NR1H4: variants seen among roughly 807,000 people sequenced by gnomAD.
NR1H4 encodes the protein nuclear receptor subfamily 1 group H member 4.
NR1H4 carries 23 observed loss-of-function variants against 58.5 expected under a neutral mutation model. That is an observed-to-expected ratio of 0.39 (90% confidence interval 0.28 to 0.56). The LOEUF is 0.56. Among genes scored for constraint, NR1H4 ranks in the 20% least tolerant of loss-of-function variants. The probability of loss-of-function intolerance (pLI) is 0.58; values close to 1 mark genes in which losing one functional copy is unlikely to be tolerated. For synonymous variants in NR1H4, 214 were observed against 198.0 expected (o/e 1.08, Z -0.68); for missense variants, 487 against 576.9 (o/e 0.84, Z 1.60).
At chr12:100,490,541 G>A (rs1434259726) in intron 1 of NR1H4, among the ~76,000 whole-genome samples, 1 of 152,090 alleles carries the variant, frequency 6.6e-6, no homozygotes, top group African/African-American at 2.4e-5. Flanking sequence ...GGAAATTGTG[G>A]AATTTCCTAT....
intron 10 of NR1H4, among the ~76,000 whole-genome samples, chr12:100,562,625 CAT>C (rs768186001): frequency 7.2e-5 from 11 of 152,104 alleles, no homozygotes; most frequent in South Asian, 2.1e-4. Flanking sequence ...ATCTTTACCA[CAT>C]GTTTGTATAT....
intron 1 of NR1H4, among the ~76,000 whole-genome samples, chr12:100,476,013 C>T (rs1010862174): frequency 3.9e-5 from 6 of 152,138 alleles, no homozygotes; most frequent in South Asian, 2.1e-4. Flanking sequence ...GGATTACAGG[C>T]GTGAGCCACT....
intron 6 of NR1H4, among the ~76,000 whole-genome samples, chr12:100,535,254 A>G (rs568270619): frequency 3.2e-4 from 49 of 152,252 alleles, no homozygotes; most frequent in Non-Finnish European, 6.5e-4. Flanking sequence ...TTCCAGTCCT[A>G]CTACCTAGTG....
chr12:100,508,429 T>C (rs1954022860), intron 3 of NR1H4, among the ~76,000 whole-genome samples: 1 of 152,090 alleles, frequency 6.6e-6, no homozygotes, highest in Non-Finnish European at 1.5e-5. Context: ...AGTAGGAGGA[T>C]GCAGAGAGGG....
At chr12:100,504,832 T>C (rs1191496641) in intron 3 of NR1H4, among the ~76,000 whole-genome samples, 1 of 152,172 alleles carries the variant, frequency 6.6e-6, no homozygotes, top group African/African-American at 2.4e-5. Context: ...AAGTTCAGCG[T>C]GGAAGATAAG....
At chr12:100,514,159 G>A (rs1954204577) in intron 4 of NR1H4, among the ~76,000 whole-genome samples, 1 of 152,142 alleles carries the variant, frequency 6.6e-6, no homozygotes, top group South Asian at 2.1e-4. Context: ...TTTGCCTTAG[G>A]TGGTAACGAA....
chr12:100,509,772 A>C (rs1305905301), intron 3 of NR1H4, among the ~76,000 whole-genome samples: 1 of 152,238 alleles, frequency 6.6e-6, no homozygotes, highest in Non-Finnish European at 1.5e-5. Flanking sequence ...ACATATACAC[A>C]TGGCAAAAAC....
intron 4 of NR1H4, among the ~76,000 whole-genome samples, chr12:100,521,902 G>A (rs771388295): frequency 4.6e-5 from 7 of 152,112 alleles, no homozygotes; most frequent in Non-Finnish European, 7.4e-5. Context: ...GATGCAAGAT[G>A]GGGTTCCAAA....
At chr12:100,512,417 G>A (rs1461647686) in intron 4 of NR1H4, among the ~76,000 whole-genome samples, 1 of 152,118 alleles carries the variant, frequency 6.6e-6, no homozygotes, top group Non-Finnish European at 1.5e-5. Flanking sequence ...CAAGACGGGT[G>A]GATCATGAGG....
rs1214541301 is a variant in NR1H4, at chr12:100,487,597, T to TC, written c.-189-4906_-189-4905insC. 5.1e-3 allele frequency among the ~76,000 whole-genome samples: 659 copies of TC among 128,342 alleles called. 1 individual carries two copies. The highest frequency in any genetic ancestry group is 8.6e-3 in the Non-Finnish European group (521 of 60,836). 84.2% of individuals were successfully genotyped at this position (128,342 alleles called of 152,430 possible). A position where few individuals can be genotyped will look rare whatever the true frequency, so the allele number is the denominator to read the frequency against. On this transcript the variant is annotated intron_variant, in intron 1 of 10. Coordinates refer to ENST00000392986, the MANE Select transcript of NR1H4 (RefSeq NM_001206979.2). ...CTGCTCTGATTCTTCTTCTTCTTCT[T>TC]TTTTTTTTTTTTTTTTTGAGACGAG...
intron 3 of NR1H4, among the ~76,000 whole-genome samples, chr12:100,509,077 A>G (rs769138488): frequency 2.0e-5 from 3 of 152,186 alleles, no homozygotes; most frequent in Non-Finnish European, 4.4e-5. Flanking sequence ...CAGATAAGGA[A>G]CTGTGAATCT....
intron 7 of NR1H4, 108 bp downstream of exon 7, chr12:100,536,718 G>C: frequency 1.4e-6 from 1 of 734,264 alleles, no homozygotes; most frequent in Non-Finnish European, 2.4e-6. Flanking sequence ...GAAATGATTA[G>C]AGCTGAGAAT....
At chr12:100,534,798 C>T (rs1228300379) in intron 5 of NR1H4, 92 bp from the exon 6 acceptor site, 2 of 1,455,338 alleles carry the variant, frequency 1.4e-6, no homozygotes, top group Non-Finnish European at 1.9e-6. Flanking sequence ...CATAGGGGAT[C>T]TTCTGGGCCA....
chr12:100,540,791 C>G lies in NR1H4; in HGVS notation c.1051C>G (p.Leu351Val). 1 of 1,614,106 alleles carries G rather than the reference C, an allele frequency of 6.2e-7. No individual in the cohort carries two copies. Among genetic ancestry groups the G allele is most frequent in the Non-Finnish European group, 8.5e-7 (1 of 1,180,000 alleles). Residue 351 changes from leucine to valine, a missense_variant, in exon 9 of 11, where the codon CTA becomes GTA. Physicochemically the swap from Leu to Val is conservative, Grantham distance 32. Transcript: ENST00000392986. ...NKKLPSGHSD[L>V]LEERIRNSGI... ...GAAACTTCCGTCTGGGCATTCTGAC[C>G]TATTGGAAGAAAGAATTCGAAATAG...
At chr12:100,486,292 T>G (rs1320528348) in intron 1 of NR1H4, among the ~76,000 whole-genome samples, 1 of 152,204 alleles carries the variant, frequency 6.6e-6, no homozygotes, top group Non-Finnish European at 1.5e-5. Context: ...AAAGGGAATA[T>G]GAAATAAATA....
At chr12:100,549,195 G>A (rs568294487) in intron 9 of NR1H4, among the ~76,000 whole-genome samples, 38 of 151,648 alleles carry the variant, frequency 2.5e-4, no homozygotes, top group South Asian at 1.7e-3. Context: ...AAAATTAGCC[G>A]GGCATGGTGG....
intron 4 of NR1H4, among the ~76,000 whole-genome samples, chr12:100,529,290 C>A (rs1954635531): frequency 6.6e-6 from 1 of 152,296 alleles, no homozygotes; most frequent in Non-Finnish European, 1.5e-5. Flanking sequence ...CCTTTCTCTT[C>A]TGTCCCACTT....
intron 8 of NR1H4, among the ~76,000 whole-genome samples, chr12:100,539,171 A>G (rs35298015): frequency 2.6e-5 from 4 of 152,216 alleles, no homozygotes; most frequent in Admixed American, 2.0e-4. Flanking sequence ...AGCAAGTACA[A>G]TTAGTGTGTG....
intron 9 of NR1H4, among the ~76,000 whole-genome samples, chr12:100,549,606 A>G (rs1025338690): frequency 2.6e-5 from 4 of 152,164 alleles, no homozygotes; most frequent in Non-Finnish European, 5.9e-5. Context: ...CTTCCATGTA[A>G]TTTCATAAGT....
Sources: allele counts gnomAD v4.1 joint callset (sites outside exome capture counted in the v4.1 genomes callset), GRCh38; gene constraint gnomAD v4.1.1; transcripts MANE v1.5; gene names NCBI Gene and HGNC (gene_info 2026-07-23, HGNC 2026-07-21).